The following FRRS1L variants were observed in gnomAD, a reference collection of about 807,000 sequenced individuals.
The protein encoded by FRRS1L is ferric chelate reductase 1 like.
In FRRS1L, 22 loss-of-function variants were observed where a neutral mutation model predicts 28.6. The ratio of observed to expected loss-of-function variants is 0.77; its 90% CI spans 0.55 to 1.10. The LOEUF (loss-of-function observed/expected upper bound fraction) is 1.10. Among genes scored for constraint, FRRS1L ranks in the 50% least tolerant of loss-of-function variants. The probability of loss-of-function intolerance (pLI) is 0.00; values close to 1 mark genes in which losing one functional copy is unlikely to be tolerated. For missense variants in FRRS1L, 380 were observed against 386.9 expected, an observed-to-expected ratio of 0.98 and a Z score of 0.15; for synonymous variants, 158 against 151.4, an observed-to-expected ratio of 1.04 and a Z score of -0.32.
At chr9:109,163,055 T>G (rs1348293018) in intron 1 of FRRS1L, among the ~76,000 whole-genome samples, 2 of 152,206 alleles carry the variant, frequency 1.3e-5, no homozygotes, top group African/African-American at 4.8e-5. Context: ...AGGGTCTGCT[T>G]CCCAAACCTG....
rs1320267762 is a variant in FRRS1L at position 109,132,271 on chromosome 9, G to A, written c.*5184C>T. The A allele has an allele frequency of 2.0e-5, 3 of 152,164 alleles. No homozygotes were observed. The highest frequency in any genetic ancestry group is 6.6e-5 in the Admixed American group (1 of 15,262). The allele number at this position is 152,164 out of a possible 1,614,324, so 9.4% of individuals were successfully genotyped here. Reference sequence around the variant, plus strand: ...ATTACAGGCTTGAGCCACCGCGCCCGGCCGATACAACTTTTTAAAACATCT... The same window carrying A: ...ATTACAGGCTTGAGCCACCGCGCCCAGCCGATACAACTTTTTAAAACATCT... On this transcript the variant is annotated 3_prime_UTR_variant, in exon 5 of 5. Coordinates refer to ENST00000561981, the MANE Select transcript of FRRS1L (RefSeq NM_014334.4).
In FRRS1L at chr9:109,136,912, G is replaced by A. The variant is rs1831119433; in HGVS notation, c.*543C>T. 1 of 152,140 alleles carries A rather than the reference G, an allele frequency of 6.6e-6. No homozygotes were observed. Among genetic ancestry groups the A allele is most frequent in the Non-Finnish European group, 1.5e-5 (1 of 68,008 alleles). 9.4% of individuals were successfully genotyped at this position (152,140 alleles called of 1,614,324 possible). A position where few individuals can be genotyped will look rare whatever the true frequency, so the allele number is the denominator to read the frequency against. On this transcript the variant is annotated 3_prime_UTR_variant, in exon 5 of 5. Coordinates refer to ENST00000561981, the MANE Select transcript of FRRS1L (RefSeq NM_014334.4). Reference sequence around the variant, plus strand: ...TGTGTAAATATCCAAAAGCACTTCTGCTTTACGGAAATTTGAAATTTCTTC... The same window carrying A: ...TGTGTAAATATCCAAAAGCACTTCTACTTTACGGAAATTTGAAATTTCTTC...
chr9:109,153,941 T>C (rs919995436), intron 1 of FRRS1L, among the ~76,000 whole-genome samples: 2 of 152,210 alleles, frequency 1.3e-5, no homozygotes, highest in Non-Finnish European at 2.9e-5. Flanking sequence ...CCATTTCTCC[T>C]TTGCCAGGTG....
At position 109,137,577 on chromosome 9, in the gene FRRS1L, C is replaced by A. The variant is rs765555791; in HGVS notation, c.760G>T (p.Val254Phe). Residue 254 changes from valine to phenylalanine, a missense_variant, in exon 5 of 5, where the codon GTC becomes TTC. Coordinates refer to ENST00000561981, the MANE Select transcript of FRRS1L (RefSeq NM_014334.4). Reference sequence around the variant, plus strand: ...ATGTCTTCATACTTGTAAATACTGACAACACGCTCTGAAGCCGGCGGTGAG... The same window carrying A: ...ATGTCTTCATACTTGTAAATACTGAAAACACGCTCTGAAGCCGGCGGTGAG... ...IDSPPASERV[V>F]SIYKYEDIFM... is the part of the protein sequence containing the mutation. 2.5e-6 allele frequency: 4 copies of A among 1,611,988 alleles called. No individual in the cohort carries two copies. In the South Asian group the frequency reaches 4.4e-5, roughly 18 times the overall value.
In FRRS1L at chr9:109,141,265, C is replaced by A. The variant is rs115104233; in HGVS notation, c.709+78G>T. On this transcript the variant is annotated intron_variant, in intron 4 of 4. Transcript: ENST00000561981. ...AGTGCTTATCGCTCTCTTGTGCACA[C>A]AGTGTGACTTCAATTAACAATGAAC... 1.5e-3 allele frequency: 2,208 copies of A among 1,519,718 alleles called. 27 individuals are homozygous for A. In the African/African-American group the frequency reaches 0.025, roughly 17 times the overall value. The allele number at this position is 1,519,718 out of a possible 1,614,324, so 94.1% of individuals were successfully genotyped here. A position where few individuals can be genotyped will look rare whatever the true frequency, so the allele number is the denominator to read the frequency against.
intron 1 of FRRS1L, among the ~76,000 whole-genome samples, chr9:109,154,125 T>C (rs1831374193): frequency 6.6e-6 from 1 of 152,212 alleles, no homozygotes; most frequent in African/African-American, 2.4e-5. Flanking sequence ...CCTCATCCCA[T>C]GCTGCTCTGA....
intron 1 of FRRS1L, among the ~76,000 whole-genome samples, chr9:109,157,641 T>A (rs760540943): frequency 4.1e-4 from 62 of 152,314 alleles, no homozygotes; most frequent in African/African-American, 1.4e-3. Context: ...GGTCTCCCTA[T>A]ATCTTTTATT....
intron 1 of FRRS1L, chr9:109,151,218 A>T (rs532984199): frequency 6.6e-6 from 1 of 152,160 alleles, no homozygotes; most frequent in Non-Finnish European, 1.5e-5. Context: ...TTTTATGCTT[A>T]TTTTATGCTA....
chr9:109,164,219 A>G (rs897767896), intron 1 of FRRS1L, among the ~76,000 whole-genome samples: 19 of 152,074 alleles, frequency 1.2e-4, no homozygotes, highest in African/African-American at 4.6e-4. Context: ...CACCCACCGG[A>G]TGGTGGTAGA....
At chr9:109,155,599 G>A (rs529206504) in intron 1 of FRRS1L, among the ~76,000 whole-genome samples, 61 of 151,796 alleles carry the variant, frequency 4.0e-4, no homozygotes, top group Middle Eastern at 3.4e-3. Flanking sequence ...AACTACTCAA[G>A]AGGCTGAGAC....
intron 2 of FRRS1L, among the ~76,000 whole-genome samples, chr9:109,149,060 A>C (rs557423091): frequency 2.7e-4 from 41 of 152,306 alleles, no homozygotes; most frequent in African/African-American, 9.6e-4. Context: ...GGTTCAAAGG[A>C]GGAGGCTTTC....
intron 1 of FRRS1L, among the ~76,000 whole-genome samples, chr9:109,153,747 GGAAC>G (rs1831367083): frequency 6.6e-6 from 1 of 152,088 alleles, no homozygotes; most frequent in Non-Finnish European, 1.5e-5. Context: ...CATTAGTGTA[GGAAC>G]TGAATTGCAG....
At position 109,130,332 on chromosome 9, in the gene FRRS1L, GA is replaced by G. The variant is rs1831043234; in HGVS notation, c.*7122del. ...CTAACTTTAATTACATCAACAGGAA[GA>G]ATTTCAAACTATGTTGTAATTCTTA... On this transcript the variant is annotated 3_prime_UTR_variant, in exon 5 of 5. Coordinates refer to ENST00000561981, the MANE Select transcript of FRRS1L (RefSeq NM_014334.4). 1 of 152,182 alleles carries G rather than the reference GA, an allele frequency of 6.6e-6. No individual in the cohort carries two copies. Among genetic ancestry groups the G allele is most frequent in the South Asian group, 2.1e-4 (1 of 4,830 alleles). 9.4% of individuals were successfully genotyped at this position (152,182 alleles called of 1,614,324 possible).
intron 1 of FRRS1L, among the ~76,000 whole-genome samples, chr9:109,165,463 G>C (rs987535875): frequency 6.6e-6 from 1 of 152,136 alleles, no homozygotes; most frequent in African/African-American, 2.4e-5. Context: ...ATGACCTTGC[G>C]GAACAGAGTC....
rs1284772691 is a variant in FRRS1L at position 109,136,390 on chromosome 9, T to C, written c.*1065A>G. On this transcript the variant is annotated 3_prime_UTR_variant, in exon 5 of 5. Coordinates refer to ENST00000561981, the MANE Select transcript of FRRS1L (RefSeq NM_014334.4). ...TAAGAATTCCCTTTTTTTTTTTTTTTAATATCATTAACACAACTTTACATC... is the reference window on the plus strand; with the variant it reads ...TAAGAATTCCCTTTTTTTTTTTTTTCAATATCATTAACACAACTTTACATC... 1 of 151,684 alleles carries C rather than the reference T, an allele frequency of 6.6e-6. No homozygotes were observed. The highest frequency in any genetic ancestry group is 1.9e-4 in the East Asian group (1 of 5,194). The allele number at this position is 151,684 out of a possible 1,614,324, so 9.4% of individuals were successfully genotyped here.
intron 2 of FRRS1L, chr9:109,148,064 G>A (rs12339547): frequency 0.055 from 8,408 of 152,018 alleles, 369 homozygotes; most frequent in East Asian, 0.13. Flanking sequence ...CACCTCTTGG[G>A]TTCAAGCAGT....
At chr9:109,161,104 G>C (rs1831475299) in intron 1 of FRRS1L, among the ~76,000 whole-genome samples, 2 of 151,896 alleles carry the variant, frequency 1.3e-5, no homozygotes, top group African/African-American at 2.4e-5. Context: ...ATCTAATTCT[G>C]TCATCCCACT....
At chr9:109,156,588 A>G (rs948024599) in intron 1 of FRRS1L, among the ~76,000 whole-genome samples, 1 of 150,644 alleles carries the variant, frequency 6.6e-6, no homozygotes, top group Non-Finnish European at 1.5e-5. Flanking sequence ...ACGGGGTTTC[A>G]CCATGTTAGC....
rs914687251 is a variant in FRRS1L at position 109,132,842 on chromosome 9, A to C, written c.*4613T>G. The C allele has an allele frequency of 6.6e-6, 1 of 152,230 alleles. No homozygotes were observed. Among genetic ancestry groups the C allele is most frequent in the Non-Finnish European group, 1.5e-5 (1 of 68,034 alleles). 9.4% of individuals were successfully genotyped at this position (152,230 alleles called of 1,614,324 possible). ...TATTGGAACATAGCCATGCTCATTCATTTATGTATTGTTTATAGCAGAGCC... is the reference window on the plus strand; with the variant it reads ...TATTGGAACATAGCCATGCTCATTCCTTTATGTATTGTTTATAGCAGAGCC... On this transcript the variant is annotated 3_prime_UTR_variant, in exon 5 of 5. Coordinates refer to ENST00000561981, the MANE Select transcript of FRRS1L (RefSeq NM_014334.4).
Sources: gnomAD v4.1 joint callset for allele counts (sites outside exome capture counted in the v4.1 genomes callset) on GRCh38, gnomAD v4.1.1 for gene constraint, MANE v1.5 for transcripts, NCBI Gene and HGNC (gene_info 2026-07-23, HGNC 2026-07-21) for gene names.